WNT9B: variants seen among roughly 807,000 people sequenced by gnomAD.
WNT9B encodes protein Wnt-9b.
WNT9B carries 12 observed loss-of-function variants against 30.2 expected under a neutral mutation model. That is an observed-to-expected ratio of 0.40 (90% confidence interval 0.26 to 0.64). The LOEUF is 0.64. Among genes scored for constraint, WNT9B ranks in the 30% least tolerant of loss-of-function variants. The probability of loss-of-function intolerance (pLI) is 0.42; values close to 1 mark genes in which losing one functional copy is unlikely to be tolerated. For missense variants in WNT9B, 442 were observed against 485.2 expected (o/e 0.91, Z 0.84); for synonymous variants, 218 against 216.9 (o/e 1.01, Z -0.05).
rs184411232 is a variant in WNT9B, at chr17:46,870,889, C to T, written c.78-1628C>T. 7.1e-3 allele frequency among the ~76,000 whole-genome samples: 1,059 copies of T among 149,728 alleles called. 4 individuals are homozygous for T. The highest frequency in any genetic ancestry group is 0.018 in the Middle Eastern group (5 of 284). On this transcript the variant is annotated intron_variant, in intron 1 of 3. Coordinates refer to ENST00000290015, the MANE Select transcript of WNT9B (RefSeq NM_003396.3). ...AAGCAGGAGCTCTAAGAGACATTGC[C>T]TGCTTCCACCTTTGCTTTTTTTTTT...
intron 1 of WNT9B, among the ~76,000 whole-genome samples, chr17:46,868,403 C>A (rs1220414141): frequency 1.3e-5 from 2 of 151,814 alleles, no homozygotes; most frequent in African/African-American, 2.4e-5. Flanking sequence ...ACCAGCCTAG[C>A]CAACATGGCG....
At chr17:46,873,092 A>T (rs1185277221) in intron 2 of WNT9B, among the ~76,000 whole-genome samples, 5 of 28,510 alleles carry the variant, frequency 1.8e-4, no homozygotes, top group African/African-American at 5.2e-4. Flanking sequence ...CTCTTCACAC[A>T]CACACACACA....
chr17:46,839,950 T>TTCTTTCTTTCTTTC (rs1388362988), intron 1 of WNT9B, among the ~76,000 whole-genome samples: 3 of 148,880 alleles, frequency 2.0e-5, no homozygotes, highest in African/African-American at 5.0e-5. Flanking sequence ...CTTTCTTTCT[T>TTCTTTCTTTCTTTC]TCTTTCTTTC....
intron 1 of WNT9B, among the ~76,000 whole-genome samples, chr17:46,833,847 G>C (rs1195434474): frequency 6.6e-6 from 1 of 152,068 alleles, no homozygotes; most frequent in Admixed American, 6.6e-5. Flanking sequence ...TCTTTTTCTG[G>C]CTGGAGTGTG....
At chr17:46,884,366 G>A (rs1009755311), downstream of WNT9B, among the ~76,000 whole-genome samples, 1 of 152,020 alleles carries the variant, frequency 6.6e-6, no homozygotes, top group Non-Finnish European at 1.5e-5. Flanking sequence ...CAGTGGTGCC[G>A]CCCCCGCCCC....
chr17:46,833,834 G>T (rs902034697), intron 1 of WNT9B, among the ~76,000 whole-genome samples: 1 of 152,032 alleles, frequency 6.6e-6, no homozygotes, highest in African/African-American at 2.4e-5. Context: ...AACTTCCTTC[G>T]CCTCTTTTTC....
chr17:46,841,291 G>A (rs2084710203), intron 1 of WNT9B, among the ~76,000 whole-genome samples: 1 of 152,324 alleles, frequency 6.6e-6, no homozygotes, highest in South Asian at 2.1e-4. Context: ...CTTGCCCACG[G>A]TCACCCAGCT....
exon 5 of WNT9B, chr17:46,886,299 T>G (rs2085488064): frequency 6.6e-6 from 1 of 152,114 alleles, no homozygotes; most frequent in Admixed American, 6.5e-5. Context: ...TATCAATTGG[T>G]GGGGATGGAG....
At chr17:46,870,448 C>G (rs1478936686) in intron 1 of WNT9B, among the ~76,000 whole-genome samples, 2 of 151,670 alleles carry the variant, frequency 1.3e-5, no homozygotes, top group Non-Finnish European at 2.9e-5. Flanking sequence ...TGGAAAATTA[C>G]CCATTTGCCC....
At chr17:46,874,024 A>G (rs2085300979) in intron 2 of WNT9B, among the ~76,000 whole-genome samples, 1 of 150,784 alleles carries the variant, frequency 6.6e-6, no homozygotes, top group Admixed American at 6.6e-5. Context: ...GATGCTGTAC[A>G]GGGCAGCCAG....
At chr17:46,842,509 G>T (rs1386116141) in intron 1 of WNT9B, among the ~76,000 whole-genome samples, 1 of 152,062 alleles carries the variant, frequency 6.6e-6, no homozygotes, top group Non-Finnish European at 1.5e-5. Flanking sequence ...CGAGTAGCTC[G>T]AACCACAGGT....
intron 1 of WNT9B, among the ~76,000 whole-genome samples, chr17:46,869,324 C>T (rs894080091): frequency 6.6e-6 from 1 of 152,224 alleles, no homozygotes; most frequent in African/African-American, 2.4e-5. Context: ...TTGCATTCCA[C>T]AGAGCTCCAA....
intron 1 of WNT9B, among the ~76,000 whole-genome samples, chr17:46,869,830 CT>C (rs2085207408): frequency 6.6e-6 from 1 of 152,038 alleles, no homozygotes. Context: ...GAAACCCCGT[CT>C]CTACTAAAAA....
chr17:46,868,480 C>T (rs796913904), intron 1 of WNT9B, among the ~76,000 whole-genome samples: 12 of 152,196 alleles, frequency 7.9e-5, no homozygotes, highest in African/African-American at 2.6e-4. Context: ...CCCATAATCC[C>T]AGCTACTCGG....
At chr17:46,860,231 G>C (rs778271582) in intron 1 of WNT9B, among the ~76,000 whole-genome samples, 2 of 152,148 alleles carry the variant, frequency 1.3e-5, no homozygotes, top group Non-Finnish European at 2.9e-5. Context: ...GGCTGAGGAC[G>C]GGAAGGAGGA....
Position 46,851,736 on chromosome 17 carries a change from C to A in WNT9B, c.77+21C>A, listed in dbSNP as rs1168659338. On this transcript the variant is annotated intron_variant, in intron 1 of 3. Coordinates refer to ENST00000290015, the MANE Select transcript of WNT9B (RefSeq NM_003396.3). This position sits in a 1 kb window ranked among gnomAD's most constrained non-coding sequence, Gnocchi z 4.3. ...TTCGGGTCAGTGCCCGCCGCGCCCC[C>A]CGCCCGCTCCCCGGCCTGCCTGTCT... is the stretch of plus-strand genomic sequence containing the variant. The A allele has an allele frequency of 4.8e-6, 6 of 1,243,634 alleles. No homozygotes were observed. The African/African-American group carries it at 6.3e-5, about 13-fold the overall frequency. The allele number at this position is 1,243,634 out of a possible 1,614,324, so 77.0% of individuals were successfully genotyped here. A position where few individuals can be genotyped will look rare whatever the true frequency, so the allele number is the denominator to read the frequency against.
Position 46,875,379 on chromosome 17 carries a change from C to A in WNT9B, c.600+13C>A. On this transcript the variant is annotated intron_variant, in intron 3 of 3. Transcript: ENST00000290015. ...CGTGGGCATCAAGGTGAGCATGTCC[C>A]TGGCTGCCCGCAGTGCCTTCCCACC... 6.3e-7 allele frequency: 1 copy of A among 1,581,212 alleles called. No homozygotes were observed. The highest frequency in any genetic ancestry group is 8.6e-7 in the Non-Finnish European group (1 of 1,160,542).
At chr17:46,874,285 A>G (rs2085305896) in intron 2 of WNT9B, among the ~76,000 whole-genome samples, 1 of 152,186 alleles carries the variant, frequency 6.6e-6, no homozygotes, top group Non-Finnish European at 1.5e-5. Flanking sequence ...TCTATTCCAC[A>G]GTGGGTAGCA....
intron 1 of WNT9B, among the ~76,000 whole-genome samples, chr17:46,859,952 T>C (rs2085007162): frequency 6.6e-6 from 1 of 152,266 alleles, no homozygotes; most frequent in African/African-American, 2.4e-5. Context: ...TTAGATAGTA[T>C]TGTTTTTATT....
Sources: allele counts gnomAD v4.1 joint callset (sites outside exome capture counted in the v4.1 genomes callset), GRCh38; gene constraint gnomAD v4.1.1; non-coding constraint Gnocchi (gnomAD v3.1); transcripts MANE v1.5; gene names NCBI Gene and HGNC (gene_info 2026-07-23, HGNC 2026-07-21).